SOX6: variants seen among roughly 807,000 people sequenced by gnomAD.
SOX6 encodes the protein SRY-box transcription factor 6, also known as transcription factor SOX-6.
In SOX6, 11 loss-of-function variants were observed where a neutral mutation model predicts 97.8. That is an observed-to-expected ratio of 0.11 (90% confidence interval 0.07 to 0.19). SOX6 has a LOEUF of 0.19. Among genes scored for constraint, SOX6 ranks in the 10% least tolerant of loss-of-function variants. SOX6 has a pLI of 1.00. For missense variants in SOX6, 810 were observed against 1,039.5 expected, an observed-to-expected ratio of 0.78 and a Z score of 3.04; for synonymous variants, 360 against 371.4, an observed-to-expected ratio of 0.97 and a Z score of 0.35.
At chr11:16,226,282 G>A (rs1852684447) in intron 4 of SOX6, among the ~76,000 whole-genome samples, 3 of 151,298 alleles carry the variant, frequency 2.0e-5, no homozygotes, top group South Asian at 2.1e-4. Flanking sequence ...AAGAAAACAC[G>A]ATTTTCCTTA....
At chr11:15,978,820 A>G (rs1288869545) in intron 15 of SOX6, among the ~76,000 whole-genome samples, 2 of 136,852 alleles carry the variant, frequency 1.5e-5, no homozygotes, top group African/African-American at 5.3e-5. Flanking sequence ...TATAATATAG[A>G]TATTATATAT....
chr11:16,651,899 T>C (rs1847658732), intron 3 of SOX6, among the ~76,000 whole-genome samples: 1 of 152,118 alleles, frequency 6.6e-6, no homozygotes, highest in Admixed American at 6.6e-5. Context: ...AGAAAGCTCA[T>C]AGATCTGATA....
At chr11:16,570,217 T>A (rs2133198433) in intron 4 of SOX6, among the ~76,000 whole-genome samples, 1 of 152,280 alleles carries the variant, frequency 6.6e-6, no homozygotes, top group East Asian at 1.9e-4. Context: ...TCTGGTTTTG[T>A]CCTAACAACT....
intron 6 of SOX6, among the ~76,000 whole-genome samples, chr11:16,121,941 G>A (rs1456164336): frequency 1.3e-5 from 2 of 151,892 alleles, no homozygotes; most frequent in Admixed American, 6.6e-5. Context: ...TATTGTTAAG[G>A]TCTAGTAGTA....
intron 6 of SOX6, among the ~76,000 whole-genome samples, chr11:16,151,789 A>T (rs1850463591): frequency 6.6e-6 from 1 of 152,196 alleles, no homozygotes; most frequent in Non-Finnish European, 1.5e-5. Flanking sequence ...ATCTCCTGAC[A>T]GTGAGGAAAC....
chr11:16,734,013 C>T (rs1460712011), intron 2 of SOX6, among the ~76,000 whole-genome samples: 1 of 136,738 alleles, frequency 7.3e-6, no homozygotes, highest in East Asian at 2.1e-4. Context: ...GGTGACAGAG[C>T]GAGACTTTGT....
intron 3 of SOX6, among the ~76,000 whole-genome samples, chr11:16,617,771 G>C (rs1340669538): frequency 6.6e-6 from 1 of 151,598 alleles, no homozygotes; most frequent in East Asian, 1.9e-4. Flanking sequence ...ATTTAATAAA[G>C]ATTACAAAAC....
chr11:16,149,562 C>T (rs529286252), intron 6 of SOX6, among the ~76,000 whole-genome samples: 3 of 152,248 alleles, frequency 2.0e-5, no homozygotes, highest in South Asian at 4.1e-4. Flanking sequence ...CACTTTTATT[C>T]CCGTCCAGCA....
chr11:16,234,383 C>T (rs1356385246), intron 4 of SOX6, among the ~76,000 whole-genome samples, 199 bp downstream of exon 4: 6 of 151,964 alleles, frequency 3.9e-5, no homozygotes, highest in Non-Finnish European at 8.8e-5. Flanking sequence ...TAGACTAATA[C>T]AAAAAGTGGG....
chr11:16,114,471 A>G (rs1188202897), intron 6 of SOX6, among the ~76,000 whole-genome samples: 1 of 152,212 alleles, frequency 6.6e-6, no homozygotes, highest in African/African-American at 2.4e-5. Context: ...AAGTAATGCA[A>G]TGTCACAGTA....
At chr11:16,134,025 T>C (rs1411025772) in intron 6 of SOX6, among the ~76,000 whole-genome samples, 11 of 152,230 alleles carry the variant, frequency 7.2e-5, no homozygotes, top group Non-Finnish European at 5.9e-5. Flanking sequence ...ACATTGGTGA[T>C]GATAATAATG....
At position 15,970,139 on chromosome 11, in the gene SOX6, G is replaced by A. The variant is rs944711591; in HGVS notation, c.*2670C>T. 1.3e-5 allele frequency: 2 copies of A among 152,272 alleles called. No homozygotes were observed. The highest frequency in any genetic ancestry group is 2.9e-5 in the Non-Finnish European group (2 of 68,022). 9.4% of individuals were successfully genotyped at this position (152,272 alleles called of 1,614,324 possible). ...GATGACTTTTGTTCATGTAGTTTTCGTACAACAGTTTCACATTAGTCAGAA... is the reference window on the plus strand; with the variant it reads ...GATGACTTTTGTTCATGTAGTTTTCATACAACAGTTTCACATTAGTCAGAA... On this transcript the variant is annotated 3_prime_UTR_variant, in exon 16 of 16. Transcript: ENST00000683767.
intron 10 of SOX6, among the ~76,000 whole-genome samples, chr11:16,052,653 C>T (rs962179843): frequency 6.6e-6 from 1 of 152,102 alleles, no homozygotes; most frequent in African/African-American, 2.4e-5. Context: ...TGAATGGATG[C>T]TACACATTGT....
upstream of SOX6, among the ~76,000 whole-genome samples, chr11:16,357,237 T>C (rs1039846256): frequency 2.0e-5 from 3 of 152,142 alleles, no homozygotes; most frequent in African/African-American, 7.2e-5. Context: ...TTCTCCAAAG[T>C]ATCTTAATTC....
chr11:16,597,082 T>A (rs1844911112), intron 4 of SOX6, among the ~76,000 whole-genome samples: 1 of 152,118 alleles, frequency 6.6e-6, no homozygotes, highest in Non-Finnish European at 1.5e-5. Flanking sequence ...GAAACATTGA[T>A]TCACATCAAG....
intron 4 of SOX6, among the ~76,000 whole-genome samples, chr11:16,233,469 C>T (rs909780479): frequency 2.0e-5 from 3 of 152,176 alleles, no homozygotes; most frequent in East Asian, 1.9e-4. Flanking sequence ...ATATCAATCA[C>T]GTATATTCAA....
At chr11:16,115,724 A>G (rs940613903) in intron 6 of SOX6, among the ~76,000 whole-genome samples, 2 of 152,184 alleles carry the variant, frequency 1.3e-5, no homozygotes, top group Non-Finnish European at 2.9e-5. Context: ...GGCTTTTTCC[A>G]TTACATCAGA....
At chr11:16,391,559 G>C (rs939804975) in intron 1 of SOX6, among the ~76,000 whole-genome samples, 2 of 152,082 alleles carry the variant, frequency 1.3e-5, no homozygotes, top group African/African-American at 4.8e-5. Flanking sequence ...TTCATTATTA[G>C]TAAACATGTT....
chr11:16,002,238 T>C (rs1047467054), intron 13 of SOX6, among the ~76,000 whole-genome samples: 1 of 152,208 alleles, frequency 6.6e-6, no homozygotes, highest in Non-Finnish European at 1.5e-5. Flanking sequence ...GTGGTATTTG[T>C]TAATGTTTTT....
Sources: gnomAD v4.1 joint callset for allele counts (sites outside exome capture counted in the v4.1 genomes callset) on GRCh38, gnomAD v4.1.1 for gene constraint, MANE v1.5 for transcripts, NCBI Gene and HGNC (gene_info 2026-07-23, HGNC 2026-07-21) for gene names.